The following PTP4A1 variants were observed in gnomAD, a reference collection of about 807,000 sequenced individuals.
PTP4A1 encodes the protein protein tyrosine phosphatase type IVA 1.
Under a neutral mutation model 20.5 loss-of-function variants are expected in PTP4A1, and 9 were observed. The ratio of observed to expected loss-of-function variants is 0.44; its 90% CI spans 0.26 to 0.77. The LOEUF (loss-of-function observed/expected upper bound fraction) is 0.77. Among genes scored for constraint, PTP4A1 ranks in the 30% least tolerant of loss-of-function variants. The pLI is 0.19. For missense variants in PTP4A1, 137 were observed against 218.8 expected, an observed-to-expected ratio of 0.63 and a Z score of 2.36; for synonymous variants, 78 against 67.4, an observed-to-expected ratio of 1.16 and a Z score of -0.77.
chr6:63,569,177 GTTC>G (rs1232530662), upstream of PTP4A1, among the ~76,000 whole-genome samples: 6 of 152,258 alleles, frequency 3.9e-5, no homozygotes, highest in African/African-American at 1.2e-4. Context: ...AGATTTCTCT[GTTC>G]TTCTTCATCA....
chr6:63,579,320 A>C lies in PTP4A1; in HGVS notation c.393A>C (p.Gln131His). 1 of 1,602,054 alleles carries C rather than the reference A, an allele frequency of 6.2e-7. No individual in the cohort carries two copies. The highest frequency in any genetic ancestry group is 8.5e-7 in the Non-Finnish European group (1 of 1,172,244). The change falls in exon 5 of 6, where the codon CAA becomes CAC. Residue 131 changes from glutamine to histidine, a missense_variant. Physicochemically the swap from Gln to His is conservative, Grantham distance 24. Transcript: ENST00000626021. ...GAATGAAATACGAAGATGCAGTACA[A>C]TTCATAAGACAGTAAGTAATGGATT... ...EGGMKYEDAV[Q>H]FIRQKRRGAF...
chr6:63,572,108 G>A (rs1462136795), upstream of PTP4A1: 2 of 152,232 alleles, frequency 1.3e-5, no homozygotes, highest in Non-Finnish European at 2.9e-5. Flanking sequence ...GGCAAACTTC[G>A]AGTCTCCTCA....
exon 3 of PTP4A1, chr6:63,550,354 G>T (rs1285650117): frequency 1.3e-5 from 2 of 152,134 alleles, no homozygotes; most frequent in Non-Finnish European, 2.9e-5. Flanking sequence ...GAGAGGCTTG[G>T]GTCACCATTT....
At chr6:63,527,009 ATTG>A (rs1039343858) in intron 1 of PTP4A1, among the ~76,000 whole-genome samples, 1 of 151,856 alleles carries the variant, frequency 6.6e-6, no homozygotes, top group Non-Finnish European at 1.5e-5. Context: ...ACATGAGCTC[ATTG>A]TTGTTCCCTG....
chr6:63,555,604 T>C (rs534684835), intron 3 of PTP4A1, among the ~76,000 whole-genome samples: 1 of 151,830 alleles, frequency 6.6e-6, no homozygotes, highest in Admixed American at 6.5e-5. Flanking sequence ...GCATGACATA[T>C]CAGCTTTGTA....
rs557185817 is a variant in PTP4A1, at chr6:63,523,129, G to T, written c.-906+1303G>T. ...GACCTGCCCACCTCAGCCTCCTAAA[G>T]TGTTGAAATTACAGGCACGAGCCAT... On this transcript the variant is annotated intron_variant, in intron 1 of 3. Coordinates refer to the PTP4A1 transcript ENST00000639568. 5.3e-5 allele frequency among the ~76,000 whole-genome samples: 8 copies of T among 151,722 alleles called. No individual in the cohort carries two copies. In the East Asian group the frequency reaches 1.2e-3, roughly 22 times the overall value.
intron 1 of PTP4A1, among the ~76,000 whole-genome samples, chr6:63,526,635 C>G (rs1012045468): frequency 2.0e-5 from 3 of 151,536 alleles, no homozygotes; most frequent in Non-Finnish European, 4.4e-5. Flanking sequence ...TGGTGAAACC[C>G]TGTCTCTACT....
intron 2 of PTP4A1, among the ~76,000 whole-genome samples, chr6:63,578,143 CTG>C (rs374053292): frequency 1.3e-5 from 2 of 152,260 alleles, no homozygotes; most frequent in African/African-American, 2.4e-5. Flanking sequence ...ATTACCATGA[CTG>C]TAAACAACTT....
chr6:63,567,780 T>A (rs1313647789), upstream of PTP4A1, among the ~76,000 whole-genome samples: 2 of 152,268 alleles, frequency 1.3e-5, no homozygotes, highest in East Asian at 3.8e-4. Flanking sequence ...GACTGTTTTG[T>A]CTACATTGAA....
intron 3 of PTP4A1, among the ~76,000 whole-genome samples, chr6:63,557,024 G>C (rs1041954564): frequency 1.2e-4 from 19 of 152,150 alleles, no homozygotes; most frequent in African/African-American, 4.6e-4. Flanking sequence ...AACAATTATA[G>C]CATGAAATAT....
Position 63,572,614 on chromosome 6 carries a change from C to T in PTP4A1, c.-551C>T. ...CGCCGCCACCGCCGCTCCGCCACGA[C>T]CACCGCCGCCTCCTGCCCTGCAGCC... On this transcript the variant is annotated 5_prime_UTR_variant, in exon 1 of 6. Coordinates refer to ENST00000626021, the MANE Select transcript of PTP4A1 (RefSeq NM_003463.5). 2.4e-6 allele frequency: 1 copy of T among 420,986 alleles called. No homozygotes were observed. Among genetic ancestry groups the T allele is most frequent in the East Asian group, 3.5e-5 (1 of 28,684 alleles). The allele number at this position is 420,986 out of a possible 1,614,324, so 26.1% of individuals were successfully genotyped here. A position where few individuals can be genotyped will look rare whatever the true frequency, so the allele number is the denominator to read the frequency against.
chr6:63,528,688 G>A (rs556971724), intron 2 of PTP4A1, among the ~76,000 whole-genome samples: 1 of 152,246 alleles, frequency 6.6e-6, no homozygotes, highest in Non-Finnish European at 1.5e-5. Context: ...CTGAGCACGG[G>A]GGAGGTCAAG....
chr6:63,520,714 G>T (rs921715584), upstream of PTP4A1, among the ~76,000 whole-genome samples: 5 of 151,796 alleles, frequency 3.3e-5, no homozygotes, highest in Non-Finnish European at 7.4e-5. Flanking sequence ...TGGCACAATT[G>T]TTCACCTTAT....
At chr6:63,574,506 C>T (rs749156919) in intron 1 of PTP4A1, among the ~76,000 whole-genome samples, 1 of 152,106 alleles carries the variant, frequency 6.6e-6, no homozygotes, top group Non-Finnish European at 1.5e-5. Flanking sequence ...GGTGGCTCCA[C>T]TCAGTAAAAA....
Position 63,549,305 on chromosome 6 carries a change from G to A in PTP4A1, c.-639-995G>A, listed in dbSNP as rs947022321. On this transcript the variant is annotated intron_variant, in intron 2 of 3. Transcript: ENST00000639568. ...GCACTTTCAGCCACTTACAGAGGAT[G>A]GCTCTCTGCCGCTGCAACCTGATAT... The A allele has an allele frequency of 8.0e-6, 6 of 753,530 alleles. No individual in the cohort carries two copies. The African/African-American group carries it at 1.0e-4, about 13-fold the overall frequency. The allele number at this position is 753,530 out of a possible 1,614,324, so 46.7% of individuals were successfully genotyped here. A position where few individuals can be genotyped will look rare whatever the true frequency, so the allele number is the denominator to read the frequency against.
At chr6:63,548,805 C>T (rs186329694) in intron 2 of PTP4A1, 50 of 735,148 alleles carry the variant, frequency 6.8e-5, no homozygotes, top group Admixed American at 2.7e-4. Context: ...TCCCCAGTGA[C>T]GGCGGATCTC....
At chr6:63,524,913 G>A (rs982586604) in intron 1 of PTP4A1, among the ~76,000 whole-genome samples, 41 of 152,236 alleles carry the variant, frequency 2.7e-4, no homozygotes, top group African/African-American at 9.9e-4. Context: ...ATACCTCAGA[G>A]GCATTCTTCA....
chr6:63,539,260 A>G (rs1388424539), intron 2 of PTP4A1, among the ~76,000 whole-genome samples: 1 of 152,190 alleles, frequency 6.6e-6, no homozygotes, highest in African/African-American at 2.4e-5. Flanking sequence ...ATTACATAAC[A>G]TGTAATATTA....
At position 63,562,771 on chromosome 6, in the gene PTP4A1, TTC is replaced by T. The variant is rs1777021117; in HGVS notation, c.-446+12281_-446+12282del. 2.0e-5 allele frequency among the ~76,000 whole-genome samples: 3 copies of T among 152,352 alleles called. No homozygotes were observed. The South Asian group carries it at 6.2e-4, about 32-fold the overall frequency. On this transcript the variant is annotated intron_variant, in intron 3 of 3. Transcript: ENST00000639568. Reference sequence around the variant, plus strand: ...AACTTTTAGGAGTCCCGCTGCTATATTCTCAAAACCCTCAGAAATAGTGTCTT... The same window carrying T: ...AACTTTTAGGAGTCCCGCTGCTATATTCAAAACCCTCAGAAATAGTGTCTT...
Sources: gnomAD v4.1 joint callset for allele counts (sites outside exome capture counted in the v4.1 genomes callset) on GRCh38, gnomAD v4.1.1 for gene constraint, MANE v1.5 for transcripts, NCBI Gene and HGNC (gene_info 2026-07-23, HGNC 2026-07-21) for gene names.